The following RBKS variants were observed in gnomAD, a reference collection of about 807,000 sequenced individuals.
RBKS encodes the protein ribokinase.
RBKS carries 33 observed loss-of-function variants against 33.9 expected under a neutral mutation model. The ratio of observed to expected loss-of-function variants is 0.97; its 90% CI spans 0.74 to 1.30. The LOEUF (loss-of-function observed/expected upper bound fraction) is 1.30, where lower values mean the gene tolerates loss of function less well. RBKS is among the 50% of genes most tolerant of loss of function. RBKS has a pLI of 0.00. For missense variants in RBKS, 361 were observed against 392.6 expected (o/e 0.92, Z 0.68); for synonymous variants, 125 against 143.0 (o/e 0.87, Z 0.90).
intron 7 of RBKS, among the ~76,000 whole-genome samples, chr2:27,805,845 G>T (rs1677885816): frequency 6.6e-6 from 1 of 151,640 alleles, no homozygotes; most frequent in African/African-American, 2.4e-5. Flanking sequence ...AAAGTGCTGG[G>T]ATTACAGGCA....
chr2:27,801,508 A>ACACAC (rs1677783187), intron 7 of RBKS, among the ~76,000 whole-genome samples: 2 of 71,958 alleles, frequency 2.8e-5, no homozygotes, highest in East Asian at 4.3e-4. Context: ...CACACACACA[A>ACACAC]GCGGTCCCAA....
chr2:27,885,534 G>A (rs1319591676), intron 1 of RBKS, among the ~76,000 whole-genome samples: 2 of 151,942 alleles, frequency 1.3e-5, no homozygotes, highest in African/African-American at 4.8e-5. Context: ...TACGGCCTTT[G>A]AGTACACTAT....
At chr2:27,789,873 TGTGTGTGTGTGTGTGTGTGTGTATAGA>T (rs1412484723) in intron 7 of RBKS, among the ~76,000 whole-genome samples, 1 of 144,868 alleles carries the variant, frequency 6.9e-6, no homozygotes, top group Non-Finnish European at 1.5e-5. Flanking sequence ...AGCTGATGTG[TGTGTGTGTGTGTGTGTGTGTGTATAGA>T]GTGTGTGTGT....
intron 7 of RBKS, among the ~76,000 whole-genome samples, chr2:27,800,695 T>C (rs1677759204): frequency 1.3e-5 from 2 of 151,878 alleles, no homozygotes; most frequent in Non-Finnish European, 2.9e-5. Context: ...GCACAATCCA[T>C]AGGATTGTGA....
At chr2:27,790,393 A>T (rs1298301199) in intron 7 of RBKS, among the ~76,000 whole-genome samples, 1 of 152,228 alleles carries the variant, frequency 6.6e-6, no homozygotes, top group African/African-American at 2.4e-5. Context: ...ACCTTGTGCT[A>T]GGCAGATTTC....
At chr2:27,865,192 C>T (rs1456849652) in intron 1 of RBKS, among the ~76,000 whole-genome samples, 1 of 152,138 alleles carries the variant, frequency 6.6e-6, no homozygotes, top group Non-Finnish European at 1.5e-5. Context: ...TGGTGGCAGG[C>T]ACCTGTAGTC....
intron 1 of RBKS, among the ~76,000 whole-genome samples, chr2:27,867,630 C>T (rs1430391260): frequency 6.6e-6 from 1 of 152,116 alleles, no homozygotes; most frequent in Admixed American, 6.6e-5. Context: ...AAAATACTAC[C>T]TAAGCTCAGC....
intron 6 of RBKS, among the ~76,000 whole-genome samples, chr2:27,829,734 T>C (rs1370960687): frequency 2.0e-5 from 3 of 152,192 alleles, no homozygotes; most frequent in Non-Finnish European, 4.4e-5. Flanking sequence ...GGTATTATAT[T>C]GGCAATAGGG....
intron 7 of RBKS, among the ~76,000 whole-genome samples, chr2:27,794,598 T>C (rs1473594593): frequency 6.7e-6 from 1 of 149,984 alleles, no homozygotes; most frequent in Non-Finnish European, 1.5e-5. Context: ...ATGAGAGGAC[T>C]GGGAGGAACA....
At chr2:27,843,666 C>T (rs1663560330) in intron 4 of RBKS, among the ~76,000 whole-genome samples, 1 of 151,958 alleles carries the variant, frequency 6.6e-6, no homozygotes, top group African/African-American at 2.4e-5. Flanking sequence ...ATGTGTGTAC[C>T]CTATGGTATT....
intron 5 of RBKS, among the ~76,000 whole-genome samples, chr2:27,838,115 A>G (rs1220831662): frequency 6.6e-6 from 1 of 152,068 alleles, no homozygotes; most frequent in African/African-American, 2.4e-5. Context: ...CATAAGAATC[A>G]CTTGAATATG....
At chr2:27,801,959 A>ATATAT (rs1178556801) in intron 7 of RBKS, among the ~76,000 whole-genome samples, 8 of 63,428 alleles carry the variant, frequency 1.3e-4, no homozygotes, top group Non-Finnish European at 1.6e-4. Context: ...GGAAAAAAAA[A>ATATAT]AAAAATATAT....
chr2:27,829,363 GTTT>G (rs35216618), intron 6 of RBKS, among the ~76,000 whole-genome samples: 3 of 107,374 alleles, frequency 2.8e-5, no homozygotes, highest in Non-Finnish European at 1.9e-5. Context: ...GCTTTTCAGT[GTTT>G]TTTTTTTTTT....
At chr2:27,801,828 G>A (rs965466087) in intron 7 of RBKS, among the ~76,000 whole-genome samples, 9 of 150,904 alleles carry the variant, frequency 6.0e-5, no homozygotes, top group Non-Finnish European at 1.3e-4. Flanking sequence ...AGAGAGTGAC[G>A]GGGAAGATGC....
chr2:27,816,119 GTTCAA>G (rs1678086854), intron 7 of RBKS, among the ~76,000 whole-genome samples: 1 of 152,178 alleles, frequency 6.6e-6, no homozygotes, highest in African/African-American at 2.4e-5. Context: ...TTTGGCCCTG[GTTCAA>G]TTCCTCAAAG....
At chr2:27,827,139 A>G (rs1432053762) in intron 7 of RBKS, among the ~76,000 whole-genome samples, 1 of 152,250 alleles carries the variant, frequency 6.6e-6, no homozygotes, top group Non-Finnish European at 1.5e-5. Flanking sequence ...AGAAGCTTGT[A>G]AGACACAGCT....
intron 2 of RBKS, among the ~76,000 whole-genome samples, chr2:27,855,798 G>A (rs1663846834): frequency 6.6e-6 from 1 of 152,058 alleles, no homozygotes; most frequent in Non-Finnish European, 1.5e-5. Flanking sequence ...TTTCTCCCTA[G>A]CTCAATATAA....
intron 1 of RBKS, chr2:27,870,928 T>C (rs1286968218): frequency 2.2e-6 from 1 of 456,584 alleles, no homozygotes; most frequent in Non-Finnish European, 4.4e-6. Context: ...ATTGTTGCCT[T>C]GTCAACATCG....
chr2:27,863,387 GCTT>G (rs987124882), intron 1 of RBKS, among the ~76,000 whole-genome samples: 2 of 152,316 alleles, frequency 1.3e-5, no homozygotes, highest in African/African-American at 4.8e-5. Context: ...CTTTGAACCA[GCTT>G]CTTCTCTTGC....
Sources: allele counts gnomAD v4.1 joint callset (sites outside exome capture counted in the v4.1 genomes callset), GRCh38; gene constraint gnomAD v4.1.1; transcripts MANE v1.5; gene names NCBI Gene and HGNC (gene_info 2026-07-23, HGNC 2026-07-21).